The following RUNX2 variants were observed in gnomAD, a reference collection of about 807,000 sequenced individuals.
RUNX2 encodes RUNX family transcription factor 2.
Under a neutral mutation model 51.7 loss-of-function variants are expected in RUNX2, and 10 were observed. The ratio of observed to expected loss-of-function variants is 0.19; its 90% CI spans 0.12 to 0.33. The LOEUF is 0.33. Among genes scored for constraint, RUNX2 ranks in the 10% least tolerant of loss-of-function variants. RUNX2 has a pLI of 1.00. For missense variants in RUNX2, 562 were observed against 691.3 expected, an observed-to-expected ratio of 0.81 and a Z score of 2.10; for synonymous variants, 276 against 273.6, an observed-to-expected ratio of 1.01 and a Z score of -0.09.
intron 6 of RUNX2, 86 bp from the exon 7 acceptor site, chr6:45,512,160 G>A: frequency 1.5e-6 from 2 of 1,357,730 alleles, no homozygotes; most frequent in Middle Eastern, 2.1e-4. Context: ...CTGTTTTTCT[G>A]CTTTTTCCTT....
intron 5 of RUNX2, among the ~76,000 whole-genome samples, chr6:45,483,311 C>T (rs1800167787): frequency 6.6e-6 from 1 of 151,684 alleles, no homozygotes; most frequent in African/African-American, 2.4e-5. Context: ...AGATTATAGA[C>T]TCATCAATTT....
chr6:45,485,192 CTT>C lies in RUNX2; in HGVS notation c.686-6735_686-6734del, dbSNP rs199954113. On this transcript the variant is annotated intron_variant, in intron 5 of 8. Coordinates refer to ENST00000647337, the MANE Select transcript of RUNX2 (RefSeq NM_001024630.4). ...TCTTTTTCCTTTCTTTTCTTTCTTT[CTT>C]TTTTTTTTTTTTTCTTTTTTGAGAC... 4.5e-3 allele frequency among the ~76,000 whole-genome samples: 629 copies of C among 139,332 alleles called. 3 individuals carry two copies. The highest frequency in any genetic ancestry group is 0.014 in the African/African-American group (550 of 38,232). 91.4% of individuals were successfully genotyped at this position (139,332 alleles called of 152,430 possible).
chr6:45,353,112 T>C (rs116618716), intron 2 of RUNX2, among the ~76,000 whole-genome samples: 3,088 of 152,212 alleles, frequency 0.02, 43 homozygotes, highest in Non-Finnish European at 0.032. Context: ...TTCTCTCCAG[T>C]GTTGTTTCAA....
At chr6:45,484,107 C>G (rs1448144855) in intron 5 of RUNX2, among the ~76,000 whole-genome samples, 1 of 152,106 alleles carries the variant, frequency 6.6e-6, no homozygotes, top group African/African-American at 2.4e-5. Context: ...GACGAGGAAG[C>G]TAAGACCAAC....
chr6:45,377,828 G>A (rs1052197), intron 2 of RUNX2: 1 of 154,212 alleles, frequency 6.5e-6, no homozygotes, highest in African/African-American at 2.4e-5. Flanking sequence ...TGTGGGGGTG[G>A]AGATGGTGCG....
At chr6:45,491,026 T>C (rs992910619) in intron 5 of RUNX2, among the ~76,000 whole-genome samples, 8 of 152,332 alleles carry the variant, frequency 5.3e-5, no homozygotes, top group African/African-American at 1.7e-4. Flanking sequence ...AGTATGTCTT[T>C]TGTTAAGAAT....
At chr6:45,460,398 A>T (rs1799441477) in intron 5 of RUNX2, among the ~76,000 whole-genome samples, 1 of 152,186 alleles carries the variant, frequency 6.6e-6, no homozygotes, top group South Asian at 2.1e-4. Context: ...GGCATTGATG[A>T]TCTTGGCAAA....
intron 6 of RUNX2, among the ~76,000 whole-genome samples, chr6:45,502,898 T>C (rs1800839869): frequency 6.6e-6 from 1 of 152,226 alleles, no homozygotes; most frequent in Non-Finnish European, 1.5e-5. Context: ...GGCTCCTCCC[T>C]GCCTGCTCTC....
In RUNX2 at chr6:45,344,493, G is replaced by T. The variant is rs559734349; in HGVS notation, c.58+15709G>T. On this transcript the variant is annotated intron_variant, in intron 2 of 8. Coordinates refer to ENST00000647337, the MANE Select transcript of RUNX2 (RefSeq NM_001024630.4). ...TGCCTTAGATTCTAAATATCCAGTGGAGAGCCCATATATGTACATTTTCCT... is the reference window on the plus strand; with the variant it reads ...TGCCTTAGATTCTAAATATCCAGTGTAGAGCCCATATATGTACATTTTCCT... Among the ~76,000 whole-genome samples, 468 of 151,908 alleles carry T rather than the reference G, an allele frequency of 3.1e-3. 2 individuals are homozygous for T. Among genetic ancestry groups the T allele is most frequent in the African/African-American group, 8.3e-3 (344 of 41,410 alleles).
intron 5 of RUNX2, among the ~76,000 whole-genome samples, chr6:45,446,305 T>C (rs1249387983): frequency 6.6e-6 from 1 of 152,360 alleles, no homozygotes; most frequent in East Asian, 1.9e-4. Context: ...CCAGTTGATA[T>C]ATTTACTTCT....
At chr6:45,531,911 T>G (rs965979560) in intron 7 of RUNX2, among the ~76,000 whole-genome samples, 1 of 152,172 alleles carries the variant, frequency 6.6e-6, no homozygotes, top group Non-Finnish European at 1.5e-5. Flanking sequence ...AACAATTTGC[T>G]TAAATAATCT....
intron 3 of RUNX2, among the ~76,000 whole-genome samples, chr6:45,428,169 C>T (rs7760251): frequency 3.3e-5 from 5 of 152,070 alleles, no homozygotes; most frequent in African/African-American, 4.8e-5. Flanking sequence ...AGTTAAAGAG[C>T]GAGTTTTGAC....
intron 7 of RUNX2, among the ~76,000 whole-genome samples, chr6:45,539,175 G>A (rs1255118666): frequency 6.6e-6 from 1 of 150,586 alleles, no homozygotes; most frequent in Non-Finnish European, 1.5e-5. Flanking sequence ...ATTTGGGTGG[G>A]TTTAAGGAAT....
chr6:45,532,161 GA>G (rs1278384080), intron 7 of RUNX2, among the ~76,000 whole-genome samples: 28 of 100,806 alleles, frequency 2.8e-4, no homozygotes, highest in Admixed American at 9.2e-4. Context: ...AGAAAACCTA[GA>G]TTTTTTTTTT....
intron 7 of RUNX2, among the ~76,000 whole-genome samples, chr6:45,543,626 T>A (rs960936201): frequency 6.6e-6 from 1 of 152,204 alleles, no homozygotes; most frequent in Non-Finnish European, 1.5e-5. Context: ...GTCAAACTTA[T>A]ATTTTGCTTA....
chr6:45,491,373 T>A (rs1453187478), intron 5 of RUNX2, among the ~76,000 whole-genome samples: 1 of 152,216 alleles, frequency 6.6e-6, no homozygotes, highest in East Asian at 1.9e-4. Context: ...TCTGTTTTTT[T>A]ATTTCTTAAA....
At chr6:45,364,088 C>T (rs1405299579) in intron 2 of RUNX2, among the ~76,000 whole-genome samples, 2 of 149,806 alleles carry the variant, frequency 1.3e-5, no homozygotes, top group Non-Finnish European at 3.0e-5. Context: ...GCACTACAGC[C>T]TGGGCAACAG....
intron 5 of RUNX2, among the ~76,000 whole-genome samples, chr6:45,473,901 T>C (rs376947485): frequency 2.6e-5 from 4 of 152,360 alleles, no homozygotes; most frequent in African/African-American, 9.6e-5. Flanking sequence ...AGATGTTTTC[T>C]TTCCGTTTTC....
chr6:45,346,604 A>G (rs1487237383), intron 2 of RUNX2, among the ~76,000 whole-genome samples: 1 of 142,562 alleles, frequency 7.0e-6, no homozygotes, highest in African/African-American at 2.6e-5. Context: ...GTCTCACTCT[A>G]TTGCCCAGGC....
Sources: allele counts gnomAD v4.1 joint callset (sites outside exome capture counted in the v4.1 genomes callset), GRCh38; gene constraint gnomAD v4.1.1; transcripts MANE v1.5; gene names NCBI Gene and HGNC (gene_info 2026-07-23, HGNC 2026-07-21).